USP26: variants seen among roughly 807,000 people sequenced by gnomAD.
USP26 encodes ubiquitin specific peptidase 26, also known as ubiquitin carboxyl-terminal hydrolase 26.
For missense variants in USP26, 649 were observed against 642.3 expected (o/e 1.01, Z -0.11); for synonymous variants, 236 against 240.6 (o/e 0.98, Z 0.18).
chrX:133,031,882 C>T (rs2067377963), intron 5 of USP26, among the ~76,000 whole-genome samples: 1 of 111,794 alleles, frequency 8.9e-6, no homozygotes, highest in Non-Finnish European at 1.9e-5. Context: ...TACAGTGGCT[C>T]ATGCCTGTAA....
chrX:133,065,660 C>T (rs151096648), intron 5 of USP26, among the ~76,000 whole-genome samples: 1,253 of 111,608 alleles, frequency 0.011, 7 homozygotes, highest in South Asian at 0.043. Flanking sequence ...AAAAGGCCTT[C>T]GATAAAATCC....
intron 5 of USP26, among the ~76,000 whole-genome samples, chrX:133,064,619 A>G (rs1488819661): frequency 1.8e-5 from 2 of 112,143 alleles, no homozygotes; most frequent in South Asian, 7.4e-4. Flanking sequence ...CTGCTCCTGA[A>G]TGACTACTAG....
intron 2 of USP26, 135 bp downstream of exon 2, chrX:133,091,217 CA>C (rs1351877114): frequency 8.9e-6 from 1 of 112,058 alleles, no homozygotes; most frequent in Non-Finnish European, 1.9e-5. Flanking sequence ...GGAACCCTAG[CA>C]AATAAATGTC....
intron 5 of USP26, among the ~76,000 whole-genome samples, chrX:133,032,202 A>C (rs111465081): frequency 0.029 from 3,210 of 109,603 alleles, 87 homozygotes; most frequent in East Asian, 0.092. Flanking sequence ...AACCAACCAA[A>C]CAAACAAACA....
chrX:133,028,136 C>T lies in USP26; in HGVS notation c.85G>A (p.Ala29Thr), dbSNP rs1190479069. The part of the protein sequence containing the change: ...ISKSKEAFIE[A>T]VERKKKDRLV... Reference sequence around the variant, plus strand: ...CTATCTTTCTTCTTTCTTTCCACTGCTTCAATGAATGCTTCTTTTGACTTA... The same window carrying T: ...CTATCTTTCTTCTTTCTTTCCACTGTTTCAATGAATGCTTCTTTTGACTTA... Residue 29 changes from alanine to threonine, a missense_variant, in exon 6 of 6, where the codon GCA becomes ACA. Transcript: ENST00000511190. 5.0e-6 allele frequency: 6 copies of T among 1,209,823 alleles called. No individual in the cohort carries two copies. Among genetic ancestry groups the T allele is most frequent in the Non-Finnish European group, 6.7e-6 (6 of 894,942 alleles).
chrX:133,065,422 CA>C (rs761767319), intron 5 of USP26, among the ~76,000 whole-genome samples: 4 of 111,362 alleles, frequency 3.6e-5, no homozygotes, highest in East Asian at 5.7e-4. Context: ...AGAGACACAA[CA>C]AAAAAAGAAA....
chrX:133,031,668 A>G (rs2067377026), intron 5 of USP26, among the ~76,000 whole-genome samples: 1 of 112,105 alleles, frequency 8.9e-6, no homozygotes, highest in African/African-American at 3.2e-5. Flanking sequence ...GCATCCATTC[A>G]TTCATTAAAT....
At chrX:133,056,325 G>A (rs761672496) in intron 5 of USP26, among the ~76,000 whole-genome samples, 131 of 111,633 alleles carry the variant, frequency 1.2e-3, no homozygotes, top group Admixed American at 2.5e-3. Context: ...TAATAGGGAA[G>A]GTGTGATGAC....
intron 5 of USP26, among the ~76,000 whole-genome samples, chrX:133,028,626 T>C (rs777879541): frequency 1.7e-3 from 190 of 112,454 alleles, no homozygotes; most frequent in Non-Finnish European, 3.0e-3. Flanking sequence ...CCAACTTCAA[T>C]TGAAATCATG....
Position 133,025,299 on chromosome X carries a change from T to C in USP26, c.*180A>G, listed in dbSNP as rs2067340847. The C allele has an allele frequency of 7.9e-6, 5 of 636,555 alleles. No individual in the cohort carries two copies. The highest frequency in any genetic ancestry group is 5.2e-4 in the Middle Eastern group (1 of 1,922). The allele number at this position is 636,555 out of a possible 1,213,427, so 52.5% of individuals were successfully genotyped here. A position where few individuals can be genotyped will look rare whatever the true frequency, so the allele number is the denominator to read the frequency against. On this transcript the variant is annotated 3_prime_UTR_variant, in exon 6 of 6. Coordinates refer to ENST00000511190, the MANE Select transcript of USP26 (RefSeq NM_031907.3). ...ATGCTCATCAGCCAGAGCTATGGGA[T>C]TGAGGTGTCTGTGTCAGGATTAGAA...
chrX:133,093,412 C>G (rs1252155698), intron 1 of USP26, among the ~76,000 whole-genome samples: 1 of 111,320 alleles, frequency 9.0e-6, no homozygotes, highest in East Asian at 2.8e-4. Flanking sequence ...TTAGAGACAC[C>G]ACGTTTATAG....
Position 133,025,618 on chromosome X carries a change from G to T in USP26, c.2603C>A (p.Ala868Asp). The change falls in exon 6 of 6, where the codon GCC (alanine) becomes GAC (aspartate). Residue 868 changes from alanine to aspartate, a missense_variant. Ala to Asp is a moderately radical substitution (Grantham distance 126). Coordinates refer to ENST00000511190, the MANE Select transcript of USP26 (RefSeq NM_031907.3). The part of the protein sequence containing the change: ...DDMRVLGIQE[A>D]QMQEDRRCTG... ...GCAACGCCTATCCTCCTGCATCTGG[G>T]CCTCCTGGATACCTAACACCCGCAT... 1 of 1,211,000 alleles carries T rather than the reference G, an allele frequency of 8.3e-7. No homozygotes were observed. Among genetic ancestry groups the T allele is most frequent in the Non-Finnish European group, 1.1e-6 (1 of 895,250 alleles).
chrX:133,059,385 C>T (rs2067487504), intron 5 of USP26, among the ~76,000 whole-genome samples: 1 of 111,279 alleles, frequency 9.0e-6, no homozygotes, highest in African/African-American at 3.3e-5. Flanking sequence ...ATAACCCAAC[C>T]TCTTTAAGGC....
chrX:133,045,571 C>T (rs1341555865), intron 5 of USP26, among the ~76,000 whole-genome samples: 1 of 111,944 alleles, frequency 8.9e-6, no homozygotes, highest in Non-Finnish European at 1.9e-5. Context: ...TCTACACCTT[C>T]ACTCCTGAAG....
At chrX:133,095,234 T>C (rs1196253587) in intron 1 of USP26, among the ~76,000 whole-genome samples, 2 of 111,655 alleles carry the variant, frequency 1.8e-5, no homozygotes, top group Non-Finnish European at 3.8e-5. Flanking sequence ...ACAAAATTTA[T>C]GAAAAGGACT....
chrX:133,057,868 T>TATA (rs1334136831), intron 5 of USP26, among the ~76,000 whole-genome samples: 7 of 10,143 alleles, frequency 6.9e-4, no homozygotes, highest in African/African-American at 4.6e-3. Flanking sequence ...ATATATATAT[T>TATA]TTTTTTTTTT....
intron 1 of USP26, among the ~76,000 whole-genome samples, chrX:133,093,197 G>C (rs1008118315): frequency 1.8e-5 from 2 of 111,396 alleles, no homozygotes; most frequent in African/African-American, 6.5e-5. Flanking sequence ...GAGGTGGGGG[G>C]ATCACTTGAG....
At chrX:133,088,617 C>T (rs1303633360) in intron 4 of USP26, among the ~76,000 whole-genome samples, 1 of 111,899 alleles carries the variant, frequency 8.9e-6, no homozygotes, top group East Asian at 2.8e-4. Flanking sequence ...AGCCAGGTCC[C>T]ACTTTAAGTT....
At chrX:133,055,547 A>G (rs1443442253) in intron 5 of USP26, among the ~76,000 whole-genome samples, 3 of 112,012 alleles carry the variant, frequency 2.7e-5, no homozygotes. Flanking sequence ...TGTCCTTTAC[A>G]TGTAGGCAAT....
Sources: allele counts gnomAD v4.1 joint callset (sites outside exome capture counted in the v4.1 genomes callset), GRCh38; gene constraint gnomAD v4.1.1; transcripts MANE v1.5; gene names NCBI Gene and HGNC (gene_info 2026-07-23, HGNC 2026-07-21).